Variants in MAP4K3 observed in about 807,000 individuals in gnomAD.
MAP4K3 encodes MAPK/ERK kinase kinase kinase 3.
In MAP4K3, 94 loss-of-function variants were observed where a neutral mutation model predicts 143.5. That is an observed-to-expected ratio of 0.65 (90% CI 0.55 to 0.78). The LOEUF is 0.78. MAP4K3 is among the 30% of genes least tolerant of loss of function. MAP4K3 has a pLI of 0.00. For synonymous variants in MAP4K3, 416 were observed against 347.2 expected (o/e 1.20, Z -2.20); for missense variants, 1,077 against 1,068.1 (o/e 1.01, Z -0.12).
At chr2:39,385,780 C>T (rs986384907) in intron 1 of MAP4K3, among the ~76,000 whole-genome samples, 1 of 151,700 alleles carries the variant, frequency 6.6e-6, no homozygotes, top group Non-Finnish European at 1.5e-5. Context: ...CAAGCAACTG[C>T]CACCACACCC....
At chr2:39,275,169 AGGTGTGGTT>A (rs1381409435) in intron 24 of MAP4K3, among the ~76,000 whole-genome samples, 3 of 152,206 alleles carry the variant, frequency 2.0e-5, no homozygotes, top group African/African-American at 7.2e-5. Flanking sequence ...GACTGGGGCT[AGGTGTGGTT>A]GATGGGTGCC....
At chr2:39,266,491 T>C (rs17505580) in intron 27 of MAP4K3, among the ~76,000 whole-genome samples, 5,128 of 152,306 alleles carry the variant, frequency 0.034, 125 homozygotes, top group South Asian at 0.053. Flanking sequence ...ATGTAACCTT[T>C]ATGATTTTTT....
chr2:39,349,477 C>T (rs552073210), intron 3 of MAP4K3, among the ~76,000 whole-genome samples: 3 of 152,244 alleles, frequency 2.0e-5, no homozygotes, highest in Admixed American at 1.3e-4. Flanking sequence ...GAACATCAAT[C>T]CTACATGAAG....
At chr2:39,356,909 C>T (rs1028031244) in intron 2 of MAP4K3, among the ~76,000 whole-genome samples, 5 of 152,108 alleles carry the variant, frequency 3.3e-5, no homozygotes, top group South Asian at 2.1e-4. Context: ...AGGGCAGGAA[C>T]CCTTATACAC....
At chr2:39,313,764 C>T (rs557375371) in intron 13 of MAP4K3, among the ~76,000 whole-genome samples, 3 of 152,150 alleles carry the variant, frequency 2.0e-5, no homozygotes, top group Non-Finnish European at 4.4e-5. Flanking sequence ...CCACCCGCCT[C>T]GGCCTCCCAA....
intron 16 of MAP4K3, chr2:39,294,410 G>T (rs1159126767): frequency 6.6e-6 from 1 of 152,126 alleles, no homozygotes; most frequent in Non-Finnish European, 1.5e-5. Flanking sequence ...CAAACTAATT[G>T]CAAGTCCTAT....
intron 1 of MAP4K3, among the ~76,000 whole-genome samples, chr2:39,421,962 A>G (rs1280627007): frequency 6.6e-6 from 1 of 151,710 alleles, no homozygotes; most frequent in Non-Finnish European, 1.5e-5. Flanking sequence ...TTTTATTGGG[A>G]ATTACATAAT....
At position 39,250,362 on chromosome 2, in the gene MAP4K3, T is replaced by C. The variant is rs1680103711; in HGVS notation, c.*256A>G. On this transcript the variant is annotated 3_prime_UTR_variant, in exon 34 of 34. Transcript: ENST00000263881. ...TTCTTAGTGTATGTCTTCAGCAATA[T>C]GAAGTTTCACAGAAAAAATACTGCC... 1 of 380,486 alleles carries C rather than the reference T, an allele frequency of 2.6e-6. No individual in the cohort carries two copies. The allele number at this position is 380,486 out of a possible 1,614,324, so 23.6% of individuals were successfully genotyped here.
intron 1 of MAP4K3, among the ~76,000 whole-genome samples, chr2:39,411,342 A>C (rs1296587931): frequency 6.6e-6 from 1 of 152,198 alleles, no homozygotes; most frequent in Non-Finnish European, 1.5e-5. Context: ...GTTGTGGTAC[A>C]TATTCCAGAT....
intron 6 of MAP4K3, among the ~76,000 whole-genome samples, chr2:39,333,961 T>TTGTGTG (rs60361690): frequency 0.07 from 10,116 of 144,000 alleles, 394 homozygotes; most frequent in South Asian, 0.12. Context: ...TTTCCCATTT[T>TTGTGTG]TGTGTGTGTG....
At chr2:39,427,573 C>G (rs929307137) in intron 1 of MAP4K3, among the ~76,000 whole-genome samples, 1 of 152,130 alleles carries the variant, frequency 6.6e-6, no homozygotes, top group Non-Finnish European at 1.5e-5. Flanking sequence ...CTTCTAAAAT[C>G]CACATACTGA....
chr2:39,388,924 A>G (rs1378397857), intron 1 of MAP4K3, among the ~76,000 whole-genome samples: 1 of 152,242 alleles, frequency 6.6e-6, no homozygotes, highest in Non-Finnish European at 1.5e-5. Context: ...AGCTTAAAAC[A>G]AAATTATCAA....
chr2:39,301,722 G>C (rs565934263), intron 15 of MAP4K3, among the ~76,000 whole-genome samples: 3 of 152,016 alleles, frequency 2.0e-5, no homozygotes, highest in African/African-American at 7.2e-5. Context: ...CGGTAATAAT[G>C]ATTAAAAATA....
At position 39,280,211 on chromosome 2, in the gene MAP4K3, G is replaced by A; in HGVS notation, c.1714+61C>T. On this transcript the variant is annotated intron_variant, in intron 23 of 33. Coordinates refer to ENST00000263881, the MANE Select transcript of MAP4K3 (RefSeq NM_003618.4). The stretch of plus-strand genomic sequence containing the variant: ...TCAGAAAATAAACAAAATCACAAAT[G>A]CTTTCATGGCCCCAGTTTTAAAAAA... 3.3e-6 allele frequency: 3 copies of A among 917,168 alleles called. No individual in the cohort carries two copies. In the South Asian group the frequency reaches 7.6e-5, roughly 23 times the overall value. The allele number at this position is 917,168 out of a possible 1,614,324, so 56.8% of individuals were successfully genotyped here. A position where few individuals can be genotyped will look rare whatever the true frequency, so the allele number is the denominator to read the frequency against.
At chr2:39,410,860 T>C (rs1349845092) in intron 1 of MAP4K3, among the ~76,000 whole-genome samples, 1 of 152,210 alleles carries the variant, frequency 6.6e-6, no homozygotes, top group African/African-American at 2.4e-5. Context: ...ACATATGTCA[T>C]AGTTTTTGCT....
At chr2:39,403,851 G>C (rs1050240363) in intron 1 of MAP4K3, among the ~76,000 whole-genome samples, 3 of 150,600 alleles carry the variant, frequency 2.0e-5, no homozygotes, top group Non-Finnish European at 3.0e-5. Context: ...AGAAGGAAGA[G>C]TGAAGAGGAC....
At chr2:39,252,475 A>G (rs1332224255) in intron 32 of MAP4K3, among the ~76,000 whole-genome samples, 1 of 152,250 alleles carries the variant, frequency 6.6e-6, no homozygotes, top group South Asian at 2.1e-4. Flanking sequence ...GAAGTGCTCA[A>G]TACATAATAA....
intron 2 of MAP4K3, among the ~76,000 whole-genome samples, chr2:39,370,441 CCA>C (rs1558670968): frequency 6.6e-6 from 1 of 152,110 alleles, no homozygotes; most frequent in Non-Finnish European, 1.5e-5. Context: ...CAATGTTTCG[CCA>C]CTCTATGATG....
intron 2 of MAP4K3, among the ~76,000 whole-genome samples, chr2:39,368,047 A>T (rs976044763): frequency 2.0e-5 from 3 of 152,076 alleles, no homozygotes; most frequent in South Asian, 2.1e-4. Flanking sequence ...TCTTACCTGG[A>T]TCCAGCTCTT....
Sources: allele counts gnomAD v4.1 joint callset (sites outside exome capture counted in the v4.1 genomes callset), GRCh38; gene constraint gnomAD v4.1.1; transcripts MANE v1.5; gene names NCBI Gene and HGNC (gene_info 2026-07-23, HGNC 2026-07-21).